TRMT2B: variants seen among roughly 807,000 people sequenced by gnomAD.
The protein encoded by TRMT2B is tRNA methyltransferase 2B.
TRMT2B carries 34 observed loss-of-function variants against 39.7 expected under a neutral mutation model. The observed-to-expected ratio is 0.86, with a 90% CI of 0.65 to 1.14. The LOEUF is 1.14. TRMT2B is among the 50% of genes most tolerant of loss of function. TRMT2B has a pLI of 0.00. For missense variants in TRMT2B, 318 were observed against 377.2 expected, an observed-to-expected ratio of 0.84 and a Z score of 1.30; for synonymous variants, 132 against 137.3, an observed-to-expected ratio of 0.96 and a Z score of 0.27.
the TRMT2B span, among the ~76,000 whole-genome samples, chrX:100,986,567 G>A: frequency 8.9e-6 from 1 of 112,141 alleles, no homozygotes; most frequent in Non-Finnish European, 1.9e-5. Flanking sequence ...TGAGCCCTGG[G>A]GGGACTATCT....
the TRMT2B span, among the ~76,000 whole-genome samples, chrX:100,989,525 G>A: frequency 9.2e-6 from 1 of 108,307 alleles, no homozygotes; most frequent in Non-Finnish European, 1.9e-5. Flanking sequence ...CAGGAGAATC[G>A]CTTGAACCCA....
In TRMT2B at chrX:101,051,297, G is replaced by A; in HGVS notation, c.-70C>T. On this transcript the variant is annotated 5_prime_UTR_variant, in exon 2 of 14. Coordinates refer to ENST00000372936, the MANE Select transcript of TRMT2B (RefSeq NM_024917.6). The stretch of plus-strand genomic sequence containing the variant: ...TTTTGGAGCAAAATGTTCACCCACC[G>A]ACAAGGGTCCTGCTTGCACTCTCTG... 1 of 753,807 alleles carries A rather than the reference G, an allele frequency of 1.3e-6. No individual in the cohort carries two copies. Among genetic ancestry groups the A allele is most frequent in the Non-Finnish European group, 1.6e-6 (1 of 639,322 alleles). 62.1% of individuals were successfully genotyped at this position (753,807 alleles called of 1,213,427 possible). A position where few individuals can be genotyped will look rare whatever the true frequency, so the allele number is the denominator to read the frequency against.
intron 4 of TRMT2B, among the ~76,000 whole-genome samples, chrX:101,038,757 AT>A (rs957507284): frequency 2.7e-5 from 3 of 111,196 alleles, no homozygotes; most frequent in Non-Finnish European, 5.7e-5. Context: ...TACTTTTTTA[AT>A]TTTTTTTAGA....
At chrX:101,030,454 C>CTTTTTTTT (rs1331923176) in intron 7 of TRMT2B, among the ~76,000 whole-genome samples, 1 of 71,863 alleles carries the variant, frequency 1.4e-5, no homozygotes, top group African/African-American at 6.6e-5. Context: ...GATCTGCATT[C>CTTTTTTTT]TTTTTTTTTT....
At chrX:101,017,841 G>T (rs762277994) in intron 13 of TRMT2B, among the ~76,000 whole-genome samples, 1 of 112,251 alleles carries the variant, frequency 8.9e-6, no homozygotes, top group African/African-American at 3.2e-5. Context: ...CTGAGGCGGG[G>T]TTCAACAAGC....
chrX:101,046,071 G>A (rs1251940570), intron 2 of TRMT2B, among the ~76,000 whole-genome samples: 4 of 104,497 alleles, frequency 3.8e-5, no homozygotes, highest in Non-Finnish European at 3.9e-5. Flanking sequence ...GCTTCAACCC[G>A]GGAGGTGGAG....
In TRMT2B at chrX:101,010,381, C is replaced by A. The variant is rs1033298970; in HGVS notation, c.*200G>T. ...GAGCTGAGATCACGCCACGACACTC[C>A]AGCCTGGGCAAGAGTGAGACTCTAT... On this transcript the variant is annotated 3_prime_UTR_variant, in exon 14 of 14. Coordinates refer to ENST00000372936, the MANE Select transcript of TRMT2B (RefSeq NM_024917.6). 2.1e-5 allele frequency: 9 copies of A among 431,394 alleles called. No individual in the cohort carries two copies. The highest frequency in any genetic ancestry group is 3.6e-5 in the Non-Finnish European group (9 of 252,375). 35.6% of individuals were successfully genotyped at this position (431,394 alleles called of 1,213,427 possible).
the TRMT2B span, among the ~76,000 whole-genome samples, chrX:100,993,578 A>T: frequency 8.9e-6 from 1 of 111,901 alleles, no homozygotes; most frequent in Non-Finnish European, 1.9e-5. Context: ...TATGAAGGTG[A>T]GCTGGGTGAA....
chrX:101,018,748 C>T (rs760826122), intron 13 of TRMT2B, among the ~76,000 whole-genome samples: 8 of 111,838 alleles, frequency 7.2e-5, no homozygotes, highest in Admixed American at 2.9e-4. Context: ...CCACCGCACC[C>T]GGCTGACACA....
the TRMT2B span, chrX:100,988,619 C>A: frequency 3.6e-6 from 3 of 826,377 alleles, no homozygotes; most frequent in South Asian, 9.2e-5. Context: ...ACAATTTCTA[C>A]AATAGTATTC....
chrX:101,025,933 G>A (rs755873933), intron 7 of TRMT2B, among the ~76,000 whole-genome samples: 58 of 107,609 alleles, frequency 5.4e-4, no homozygotes, highest in African/African-American at 1.9e-3. Flanking sequence ...GCCTAGGCGA[G>A]AGTGAGACTC....
the TRMT2B span, among the ~76,000 whole-genome samples, chrX:101,001,824 CAAAAAA>C: frequency 9.0e-4 from 54 of 59,950 alleles, no homozygotes; most frequent in African/African-American, 2.7e-3. Context: ...AAGTGATATT[CAAAAAA>C]AAAAAAAAAA....
intron 10 of TRMT2B, 65 bp from the exon 11 acceptor site, chrX:101,020,653 T>C (rs112210510): frequency 1.3e-5 from 10 of 795,567 alleles, no homozygotes; most frequent in African/African-American, 2.2e-5. Flanking sequence ...TTTGTTTGTT[T>C]TTTGTTTAGT....
the TRMT2B span, among the ~76,000 whole-genome samples, chrX:100,982,730 A>C: frequency 9.6e-6 from 1 of 104,433 alleles, no homozygotes; most frequent in Non-Finnish European, 1.9e-5. Flanking sequence ...ATCATGGGTC[A>C]CTACAGCCTC....
chrX:100,990,359 G>C, the TRMT2B span: 2 of 928,330 alleles, frequency 2.2e-6, no homozygotes, highest in Non-Finnish European at 2.7e-6. Context: ...AAGTAACAGA[G>C]AAAGTAAAGA....
At chrX:101,019,902 T>C (rs886387725) in intron 11 of TRMT2B, among the ~76,000 whole-genome samples, 3 of 110,573 alleles carry the variant, frequency 2.7e-5, no homozygotes, top group Non-Finnish European at 5.7e-5. Flanking sequence ...AGTGCTGGAA[T>C]TACAGGCATG....
chrX:101,041,737 C>T (rs1027829214), intron 3 of TRMT2B, among the ~76,000 whole-genome samples: 6 of 111,689 alleles, frequency 5.4e-5, no homozygotes, highest in Admixed American at 9.6e-5. Context: ...ATCTCTAATC[C>T]ATCTAATATC....
the TRMT2B span, among the ~76,000 whole-genome samples, chrX:100,983,914 G>A: frequency 9.0e-6 from 1 of 110,691 alleles, no homozygotes; most frequent in South Asian, 3.8e-4. Flanking sequence ...CAATGCTATG[G>A]AAAATGTCAC....
At position 101,037,020 on chromosome X, in the gene TRMT2B, T is replaced by C. The variant is rs773267237; in HGVS notation, c.492A>G (p.Pro164=). 4 of 1,209,991 alleles carry C rather than the reference T, an allele frequency of 3.3e-6. No homozygotes were observed. The highest frequency in any genetic ancestry group is 5.9e-5 in the East Asian group (2 of 33,769). ...ACCCCACAGTCTTTGGATTGCCATC[T>C]GGACCTCGGTTCACAGAGAAGGTGG... The part of the protein sequence containing the change: ...NKSTFSVNRG[P]DGNPKTVGFY... Residue 164 remains proline (P), a synonymous_variant, in exon 6 of 14, where the codon CCA becomes CCG. Coordinates refer to ENST00000372936, the MANE Select transcript of TRMT2B (RefSeq NM_024917.6).
Sources: gnomAD v4.1 joint callset for allele counts (sites outside exome capture counted in the v4.1 genomes callset) on GRCh38, gnomAD v4.1.1 for gene constraint, MANE v1.5 for transcripts, NCBI Gene and HGNC (gene_info 2026-07-23, HGNC 2026-07-21) for gene names.